AGBL4: variants seen among roughly 807,000 people sequenced by gnomAD.
AGBL4 encodes AGBL carboxypeptidase 4, also known as cytosolic carboxypeptidase 6.
AGBL4 carries 58 observed loss-of-function variants against 66.4 expected under a neutral mutation model. That is an observed-to-expected ratio of 0.87 (90% confidence interval 0.71 to 1.09). The LOEUF (loss-of-function observed/expected upper bound fraction) is 1.09, where lower values mean the gene tolerates loss of function less well. AGBL4 is among the 50% of genes least tolerant of loss of function. The probability of loss-of-function intolerance (pLI) is 0.00; values close to 1 mark genes in which losing one functional copy is unlikely to be tolerated. For synonymous variants in AGBL4, 234 were observed against 222.9 expected (o/e 1.05, Z -0.44); for missense variants, 579 against 631.0 (o/e 0.92, Z 0.88).
At chr1:49,785,249 T>C (rs1644424686) in intron 2 of AGBL4, among the ~76,000 whole-genome samples, 1 of 152,132 alleles carries the variant, frequency 6.6e-6, no homozygotes, top group Admixed American at 6.5e-5. Context: ...GAAATAAGTT[T>C]CAATATCTAT....
intron 6 of AGBL4, among the ~76,000 whole-genome samples, chr1:48,808,909 TTAA>T (rs1412793741): frequency 1.9e-4 from 29 of 152,348 alleles, no homozygotes; most frequent in African/African-American, 7.0e-4. Context: ...CAGCAGGTGC[TTAA>T]TAAATGCATC....
intron 11 of AGBL4, among the ~76,000 whole-genome samples, chr1:48,583,439 C>A (rs1031092333): frequency 6.6e-6 from 1 of 152,218 alleles, no homozygotes; most frequent in African/African-American, 2.4e-5. Context: ...ATACAACTCA[C>A]CCAAGGTGAC....
At chr1:49,594,891 TG>T (rs1159801953) in intron 3 of AGBL4, among the ~76,000 whole-genome samples, 1 of 152,244 alleles carries the variant, frequency 6.6e-6, no homozygotes, top group African/African-American at 2.4e-5. Flanking sequence ...CACCCAGTAA[TG>T]GGATTGCTAG....
At chr1:49,350,428 C>G (rs944877797) in intron 3 of AGBL4, among the ~76,000 whole-genome samples, 1 of 152,032 alleles carries the variant, frequency 6.6e-6, no homozygotes, top group Non-Finnish European at 1.5e-5. Context: ...TGGTCTCGAT[C>G]TCCTGACCTC....
chr1:49,067,643 C>T (rs894615440), intron 4 of AGBL4, among the ~76,000 whole-genome samples: 3 of 152,134 alleles, frequency 2.0e-5, no homozygotes, highest in African/African-American at 7.2e-5. Flanking sequence ...TGACTGAAAT[C>T]ACTCTCTCTC....
chr1:49,347,125 G>C (rs1442413593), intron 3 of AGBL4, among the ~76,000 whole-genome samples: 1 of 152,130 alleles, frequency 6.6e-6, no homozygotes, highest in African/African-American at 2.4e-5. Context: ...AGCCCTTGTA[G>C]ATTTTTTTAT....
At chr1:49,660,287 G>T (rs952152953) in intron 3 of AGBL4, among the ~76,000 whole-genome samples, 24 of 152,124 alleles carry the variant, frequency 1.6e-4, no homozygotes, top group Middle Eastern at 3.4e-3. Context: ...TAAAAAGTGG[G>T]CAAAGGACAT....
At chr1:48,978,506 C>T (rs1659512712) in intron 5 of AGBL4, among the ~76,000 whole-genome samples, 1 of 152,298 alleles carries the variant, frequency 6.6e-6, no homozygotes, top group Non-Finnish European at 1.5e-5. Context: ...CAGCCACAGA[C>T]AGGCAATGCC....
intron 2 of AGBL4, among the ~76,000 whole-genome samples, chr1:49,713,769 C>T (rs1029273476): frequency 3.3e-5 from 5 of 151,786 alleles, no homozygotes; most frequent in South Asian, 2.1e-4. Context: ...AAAGGAGGAA[C>T]AATGTAAAAT....
chr1:49,460,596 G>C (rs572211626), intron 3 of AGBL4, among the ~76,000 whole-genome samples: 5 of 151,598 alleles, frequency 3.3e-5, no homozygotes, highest in African/African-American at 4.8e-5. Flanking sequence ...TACATTCAAC[G>C]TTAGGATTGA....
At chr1:49,454,663 A>G (rs1221159859) in intron 3 of AGBL4, among the ~76,000 whole-genome samples, 1 of 151,678 alleles carries the variant, frequency 6.6e-6, no homozygotes, top group African/African-American at 2.4e-5. Flanking sequence ...CAATTCATTA[A>G]GTACTTAAGG....
At chr1:48,522,875 G>A in the AGBL4 span, among the ~76,000 whole-genome samples, 2 of 150,810 alleles carry the variant, frequency 1.3e-5, no homozygotes, top group Admixed American at 1.3e-4. Flanking sequence ...GCAGTGAGCC[G>A]AGATCGTGCC....
chr1:48,639,000 G>T (rs1297140933), intron 8 of AGBL4, among the ~76,000 whole-genome samples: 2 of 152,148 alleles, frequency 1.3e-5, no homozygotes, highest in African/African-American at 4.8e-5. Context: ...CAGGTGTCCC[G>T]TTCTGGACTT....
At chr1:48,940,060 T>C (rs1483415702) in intron 5 of AGBL4, among the ~76,000 whole-genome samples, 3 of 152,158 alleles carry the variant, frequency 2.0e-5, no homozygotes, top group African/African-American at 4.8e-5. Flanking sequence ...CCTTTACAGT[T>C]TTCCAGGAAC....
intron 2 of AGBL4, among the ~76,000 whole-genome samples, chr1:49,774,130 C>T (rs544336554): frequency 1.3e-5 from 2 of 152,258 alleles, no homozygotes; most frequent in East Asian, 1.9e-4. Flanking sequence ...ATTTCTCTTC[C>T]GGGGAATGCA....
intron 2 of AGBL4, chr1:49,845,714 A>T (rs1369149891): frequency 5.0e-6 from 8 of 1,595,482 alleles, no homozygotes; most frequent in Non-Finnish European, 6.9e-6. Context: ...TTCCTGACTG[A>T]GCATCAGAGG....
At chr1:48,549,957 G>A (rs1378383359) in intron 11 of AGBL4, among the ~76,000 whole-genome samples, 1 of 152,110 alleles carries the variant, frequency 6.6e-6, no homozygotes. Flanking sequence ...AGACTGAGAA[G>A]GACTGAGAGA....
intron 2 of AGBL4, among the ~76,000 whole-genome samples, chr1:49,778,877 T>C (rs1644265933): frequency 6.6e-6 from 1 of 152,168 alleles, no homozygotes; most frequent in Admixed American, 6.5e-5. Flanking sequence ...TGGGTTATGG[T>C]TATACTATAA....
At chr1:49,904,388 G>C (rs1457323054) in intron 1 of AGBL4, among the ~76,000 whole-genome samples, 1 of 152,076 alleles carries the variant, frequency 6.6e-6, no homozygotes, top group Non-Finnish European at 1.5e-5. Context: ...TTCCAGTGTT[G>C]GTGCAACATG....
Sources: allele counts gnomAD v4.1 joint callset (sites outside exome capture counted in the v4.1 genomes callset), GRCh38; gene constraint gnomAD v4.1.1; transcripts MANE v1.5; gene names NCBI Gene and HGNC (gene_info 2026-07-23, HGNC 2026-07-21).